The following RIC8B variants were observed in gnomAD, a reference collection of about 807,000 sequenced individuals.
The protein encoded by RIC8B is chaperone Ric-8B.
A neutral mutation model predicts 57.5 loss-of-function variants in RIC8B; 16 were observed. That is an observed-to-expected ratio of 0.28 (90% CI 0.19 to 0.42). RIC8B has a LOEUF of 0.42. Ranked by LOEUF, RIC8B falls within the 10% of genes least tolerant of loss-of-function variation. The probability of loss-of-function intolerance (pLI) is 1.00; values close to 1 mark genes in which losing one functional copy is unlikely to be tolerated. For synonymous variants in RIC8B, 216 were observed against 250.8 expected, an observed-to-expected ratio of 0.86 and a Z score of 1.31; for missense variants, 481 against 677.0, an observed-to-expected ratio of 0.71 and a Z score of 3.21.
rs73383115 is a variant in RIC8B, at chr12:106,873,145, C to T, written c.1571+2203C>T. ...GCCTCAAAGAAGATGCCTACTTATC[C>T]GGAAGTACCCAGCAGATGCCCAACT... On this transcript the variant is annotated intron_variant, in intron 9 of 9. Transcript: ENST00000392837. 3,127 of 985,388 alleles carry T rather than the reference C, an allele frequency of 3.2e-3. 78 individuals carry two copies. The African/African-American group carries it at 0.05, about 16-fold the overall frequency. The allele number at this position is 985,388 out of a possible 1,614,324, so 61.0% of individuals were successfully genotyped here.
chr12:106,856,536 G>T (rs1303424125), intron 7 of RIC8B, among the ~76,000 whole-genome samples: 1 of 152,160 alleles, frequency 6.6e-6, no homozygotes, highest in African/African-American at 2.4e-5. Flanking sequence ...TTACCATGGC[G>T]AGCTTTACTT....
intron 4 of RIC8B, among the ~76,000 whole-genome samples, chr12:106,829,314 G>A (rs184061348): frequency 2.6e-4 from 40 of 152,272 alleles, no homozygotes; most frequent in African/African-American, 8.9e-4. Context: ...GCCCAAAAAA[G>A]TTGGCATGTG....
At chr12:106,859,190 A>G (rs1201501150) in intron 7 of RIC8B, among the ~76,000 whole-genome samples, 3 of 152,170 alleles carry the variant, frequency 2.0e-5, no homozygotes, top group Admixed American at 6.5e-5. Flanking sequence ...AAATTTTCTC[A>G]ATTCTTATCT....
At chr12:106,813,494 A>G (rs912884414) in intron 2 of RIC8B, among the ~76,000 whole-genome samples, 1 of 152,036 alleles carries the variant, frequency 6.6e-6, no homozygotes, top group Non-Finnish European at 1.5e-5. Context: ...CCAGCCTTCT[A>G]TACCATTTTA....
intron 9 of RIC8B, among the ~76,000 whole-genome samples, 169 bp from the exon 10 acceptor site, chr12:106,885,735 G>A (rs1275909952): frequency 7.2e-6 from 1 of 139,374 alleles, no homozygotes; most frequent in East Asian, 2.3e-4. Context: ...TTCTTTCCAT[G>A]CCCCTTTCAT....
chr12:106,842,514 ACTTCT>A, intron 4 of RIC8B, 70 bp from the exon 5 acceptor site: 1 of 1,214,250 alleles, frequency 8.2e-7, no homozygotes, highest in Non-Finnish European at 1.2e-6. Context: ...TCACTTTTGA[ACTTCT>A]TATTATGTTT....
At chr12:106,851,745 A>G (rs556589452) in intron 7 of RIC8B, 151 bp downstream of exon 7, 6 of 651,176 alleles carry the variant, frequency 9.2e-6, no homozygotes, top group Admixed American at 3.2e-5. Context: ...ATAAAAATTA[A>G]TAGCCAAAAA....
chr12:106,815,259 A>C lies in RIC8B; in HGVS notation c.696A>C (p.Lys232Asn). 6.2e-7 allele frequency: 1 copy of C among 1,614,098 alleles called. No individual in the cohort carries two copies. The highest frequency in any genetic ancestry group is 8.5e-7 in the Non-Finnish European group (1 of 1,179,994). ...CAGACTGTGCCATTGAGGCCCTCAA[A>C]GCTCTCTTCAATGTGACGGTAGACA... ...QETDCAIEAL[K>N]ALFNVTVDSW... Residue 232 changes from lysine (K) to asparagine (N), a missense_variant, in exon 3 of 10, where the codon AAA becomes AAC. This residue lies in a region of RIC8B where 421 missense variants were observed against 560.9 expected (regional missense o/e 0.75). Coordinates refer to ENST00000392837, the MANE Select transcript of RIC8B (RefSeq NM_001330145.2).
chr12:106,873,348 T>C (rs2136617283), intron 9 of RIC8B, among the ~76,000 whole-genome samples: 1 of 152,344 alleles, frequency 6.6e-6, no homozygotes, highest in East Asian at 1.9e-4. Context: ...CTTTGTGTGC[T>C]TTCTAACATT....
chr12:106,814,630 GA>G, intron 2 of RIC8B, 65 bp from the exon 3 acceptor site: 2 of 1,480,080 alleles, frequency 1.4e-6, no homozygotes, highest in African/African-American at 2.8e-5. Flanking sequence ...CATTGGCAGA[GA>G]AACATTCTGT....
chr12:106,878,374 C>T lies in RIC8B; in HGVS notation c.1571+7432C>T, dbSNP rs1454625015. Among the ~76,000 whole-genome samples, 6 of 151,888 alleles carry T rather than the reference C, an allele frequency of 4.0e-5. No individual in the cohort carries two copies. The East Asian group carries it at 5.8e-4, about 15-fold the overall frequency. On this transcript the variant is annotated intron_variant, in intron 9 of 9. Transcript: ENST00000392837. ...GAATATCACAAGTTATTGGGAAACC[C>T]GTTATACTTCAGTGGATTATGAACT... is the stretch of plus-strand genomic sequence containing the variant.
At chr12:106,864,419 A>G (rs76543679) in intron 8 of RIC8B, among the ~76,000 whole-genome samples, 1 of 152,130 alleles carries the variant, frequency 6.6e-6, no homozygotes, top group Non-Finnish European at 1.5e-5. Flanking sequence ...TGAGTGCTTA[A>G]TATGTGCCAG....
intron 9 of RIC8B, 30 bp downstream of exon 9, chr12:106,870,972 G>A (rs770181351): frequency 1.3e-6 from 2 of 1,537,230 alleles, no homozygotes; most frequent in Non-Finnish European, 1.8e-6. Flanking sequence ...TTTTTGCTTG[G>A]TTTCTAAAAA....
In RIC8B at chr12:106,887,719, G is replaced by A. The variant is rs1951238916; in HGVS notation, c.*1704G>A. The A allele has an allele frequency of 6.6e-6, 1 of 152,236 alleles. No individual in the cohort carries two copies. Among genetic ancestry groups the A allele is most frequent in the Non-Finnish European group, 1.5e-5 (1 of 68,044 alleles). The allele number at this position is 152,236 out of a possible 1,614,324, so 9.4% of individuals were successfully genotyped here. On this transcript the variant is annotated 3_prime_UTR_variant, in exon 10 of 10. Coordinates refer to ENST00000392837, the MANE Select transcript of RIC8B (RefSeq NM_001330145.2). ...AAAAAGGCCAACTGAAAACTAGATA[G>A]TGAGATGAGAAGAATAAAACTTCAA...
At chr12:106,837,459 A>T (rs1000087574) in intron 4 of RIC8B, among the ~76,000 whole-genome samples, 1 of 152,008 alleles carries the variant, frequency 6.6e-6, no homozygotes, top group Non-Finnish European at 1.5e-5. Context: ...AATTAACTTT[A>T]AAAAAATTTT....
chr12:106,822,105 GAAAA>G (rs1162744633), intron 3 of RIC8B, among the ~76,000 whole-genome samples: 2 of 117,836 alleles, frequency 1.7e-5, no homozygotes, highest in African/African-American at 3.2e-5. Flanking sequence ...AAAAAAAGAA[GAAAA>G]AAAAAGAAAA....
intron 3 of RIC8B, among the ~76,000 whole-genome samples, chr12:106,819,050 C>T (rs2045717239): frequency 6.6e-6 from 1 of 152,164 alleles, no homozygotes; most frequent in Non-Finnish European, 1.5e-5. Context: ...CAAGTGTCAG[C>T]CACTGCGCCC....
intron 1 of RIC8B, among the ~76,000 whole-genome samples, chr12:106,779,887 T>TG (rs2043679746): frequency 2.7e-4 from 22 of 80,548 alleles, no homozygotes; most frequent in Admixed American, 9.1e-4. Context: ...TTTTTTTTTT[T>TG]TTGTGTGTGT....
At chr12:106,783,751 C>T (rs1476991583) in intron 1 of RIC8B, among the ~76,000 whole-genome samples, 2 of 152,196 alleles carry the variant, frequency 1.3e-5, no homozygotes, top group Admixed American at 6.5e-5. Flanking sequence ...AAAGCCATTC[C>T]GGATTTTCCT....
Sources: allele counts gnomAD v4.1 joint callset (sites outside exome capture counted in the v4.1 genomes callset), GRCh38; gene constraint gnomAD v4.1.1; regional missense constraint gnomAD v4.1.1; transcripts MANE v1.5; gene names NCBI Gene and HGNC (gene_info 2026-07-23, HGNC 2026-07-21).